Variants in RAB6A observed in about 807,000 individuals in gnomAD.
RAB6A encodes RAB6A, member RAS oncogene family.
RAB6A carries 8 observed loss-of-function variants against 32.3 expected under a neutral mutation model. That is an observed-to-expected ratio of 0.25 (90% CI 0.15 to 0.45). The LOEUF (loss-of-function observed/expected upper bound fraction) is 0.45, where lower values mean the gene tolerates loss of function less well. RAB6A is among the 20% of genes least tolerant of loss of function. The pLI is 1.00. For missense variants in RAB6A, 104 were observed against 249.4 expected, an observed-to-expected ratio of 0.42 and a Z score of 3.93; for synonymous variants, 73 against 82.1, an observed-to-expected ratio of 0.89 and a Z score of 0.60.
chr11:73,718,826 A>C (rs765709332), intron 3 of RAB6A, 108 bp from the exon 4 acceptor site: 26 of 1,591,086 alleles, frequency 1.6e-5, no homozygotes, highest in African/African-American at 8.1e-5. Context: ...AGAATCACGG[A>C]TGTAACTGGG....
rs79775489 is a variant in RAB6A, at chr11:73,714,229, T to TATACAC, written c.401+2021_401+2022insGTGTAT. Among the ~76,000 whole-genome samples, 14 of 117,512 alleles carry TATACAC rather than the reference T, an allele frequency of 1.2e-4. 1 individual carries two copies. In the South Asian group the frequency reaches 3.3e-3, roughly 28 times the overall value. 77.1% of individuals were successfully genotyped at this position (117,512 alleles called of 152,430 possible). The stretch of plus-strand genomic sequence containing the variant: ...AAAAAAATATATATATATATATATA[T>TATACAC]ACACACATATAATTTGACAAGTTTC... On this transcript the variant is annotated intron_variant, in intron 5 of 7. Transcript: ENST00000336083.
At chr11:73,731,731 T>TATATAC (rs1346850332) in intron 1 of RAB6A, among the ~76,000 whole-genome samples, 21 of 16,946 alleles carry the variant, frequency 1.2e-3, no homozygotes, top group African/African-American at 2.2e-3. Context: ...TATATATATA[T>TATATAC]ACACACACAC....
intron 2 of RAB6A, among the ~76,000 whole-genome samples, chr11:73,724,325 AACTG>A (rs1590865363): frequency 6.6e-6 from 1 of 152,300 alleles, no homozygotes; most frequent in Non-Finnish European, 1.5e-5. Context: ...CAACATCACA[AACTG>A]ACTAAAAGTA....
chr11:73,722,780 T>C (rs2134957478), intron 2 of RAB6A: 1 of 152,320 alleles, frequency 6.6e-6, no homozygotes, highest in Non-Finnish European at 1.5e-5. Flanking sequence ...CCCCATTTAG[T>C]TCTCATTTAT....
At chr11:73,714,398 A>G (rs996485959) in intron 5 of RAB6A, among the ~76,000 whole-genome samples, 2 of 151,934 alleles carry the variant, frequency 1.3e-5, no homozygotes, top group Non-Finnish European at 2.9e-5. Flanking sequence ...GCGGTGACTC[A>G]CGCCTGTAAT....
rs577203416 is a variant in RAB6A, at chr11:73,720,776, T to C, written c.183+70A>G. ...TAAGTACTTCTTATGGTGACAATCA[T>C]TGATAACTTTGATTGCAGTTTTCTA... On this transcript the variant is annotated intron_variant, in intron 3 of 7. Transcript: ENST00000336083. 43 of 1,167,594 alleles carry C rather than the reference T, an allele frequency of 3.7e-5. 1 individual carries two copies. The highest frequency in any genetic ancestry group is 2.1e-4 in the East Asian group (9 of 42,296). The allele number at this position is 1,167,594 out of a possible 1,614,324, so 72.3% of individuals were successfully genotyped here.
Position 73,677,122 on chromosome 11 carries a change from T to G in RAB6A, c.*776A>C, listed in dbSNP as rs1466083617. 3 of 167,072 alleles carry G rather than the reference T, an allele frequency of 1.8e-5. No homozygotes were observed. Among genetic ancestry groups the G allele is most frequent in the Admixed American group, 6.5e-5 (1 of 15,274 alleles). 10.3% of individuals were successfully genotyped at this position (167,072 alleles called of 1,614,324 possible). ...ACCTGTTCTGAAGCACTTGGTTAATTTTCTCTCCCAGAGTCTAATAAAGCA... is the reference window on the plus strand; with the variant it reads ...ACCTGTTCTGAAGCACTTGGTTAATGTTCTCTCCCAGAGTCTAATAAAGCA... On this transcript the variant is annotated 3_prime_UTR_variant, in exon 8 of 8. Transcript: ENST00000336083.
At position 73,695,536 on chromosome 11, in the gene RAB6A, T is replaced by C. The variant is rs183629374; in HGVS notation, c.495+11884A>G. On this transcript the variant is annotated intron_variant, in intron 6 of 7. Coordinates refer to ENST00000336083, the MANE Select transcript of RAB6A (RefSeq NM_198896.2). ...CTGGGATTACAGGCGCGTGACACCATGTCTGGCTAATTTTTTTGTATTTTT... is the reference window on the plus strand; with the variant it reads ...CTGGGATTACAGGCGCGTGACACCACGTCTGGCTAATTTTTTTGTATTTTT... Among the ~76,000 whole-genome samples, 16 of 152,164 alleles carry C rather than the reference T, an allele frequency of 1.1e-4. No homozygotes were observed. The East Asian group carries it at 3.1e-3, about 29-fold the overall frequency.
chr11:73,734,286 C>T (rs1291740339), intron 1 of RAB6A, among the ~76,000 whole-genome samples: 1 of 152,084 alleles, frequency 6.6e-6, no homozygotes, highest in Non-Finnish European at 1.5e-5. Context: ...CCACCACGCC[C>T]AGCTAGTTTT....
intron 5 of RAB6A, among the ~76,000 whole-genome samples, chr11:73,710,011 T>G (rs1382595831): frequency 1.4e-5 from 2 of 147,110 alleles, no homozygotes; most frequent in Non-Finnish European, 3.0e-5. Flanking sequence ...CAGACTGGAG[T>G]GAAGTGGCAC....
At chr11:73,733,222 C>T (rs1946344941) in intron 1 of RAB6A, among the ~76,000 whole-genome samples, 1 of 152,072 alleles carries the variant, frequency 6.6e-6, no homozygotes. Flanking sequence ...TTTCAAAAAT[C>T]ATCAAGCCAT....
At chr11:73,760,429 C>A in intron 1 of RAB6A, 137 bp downstream of exon 1, 4 of 1,169,088 alleles carry the variant, frequency 3.4e-6, no homozygotes, top group Non-Finnish European at 2.4e-6. Flanking sequence ...CACCGGGGGG[C>A]ACATCGGGAA....
At chr11:73,751,184 G>A (rs982823747) in intron 1 of RAB6A, among the ~76,000 whole-genome samples, 1 of 152,058 alleles carries the variant, frequency 6.6e-6, no homozygotes, top group African/African-American at 2.4e-5. Flanking sequence ...GGAGGCTGAG[G>A]CAGGAGGATC....
At position 73,736,376 on chromosome 11, in the gene RAB6A, C is replaced by T; in HGVS notation, c.71-5553G>A. On this transcript the variant is annotated intron_variant, in intron 1 of 7. Coordinates refer to ENST00000336083, the MANE Select transcript of RAB6A (RefSeq NM_198896.2). ...CCCGGGAGGCGGAGGTTGCAGTGAG[C>T]CGAGATTGTGCCACTGCACTCCAGC... Among the ~76,000 whole-genome samples the T allele has an allele frequency of 1.3e-5, 2 of 151,840 alleles. 1 individual carries two copies. Among genetic ancestry groups the T allele is most frequent in the Non-Finnish European group, 2.9e-5 (2 of 67,984 alleles).
intron 1 of RAB6A, among the ~76,000 whole-genome samples, chr11:73,737,332 A>G (rs1258127876): frequency 6.6e-6 from 1 of 152,062 alleles, no homozygotes; most frequent in Non-Finnish European, 1.5e-5. Flanking sequence ...AAAAAATTTA[A>G]AATTTACTAG....
chr11:73,728,533 A>G (rs1026945111), intron 2 of RAB6A, among the ~76,000 whole-genome samples: 19 of 150,820 alleles, frequency 1.3e-4, no homozygotes, highest in African/African-American at 4.4e-4. Context: ...AGCACTTTGG[A>G]AAGCCGAGGT....
chr11:73,730,916 G>A, intron 1 of RAB6A, 93 bp from the exon 2 acceptor site: 1 of 823,234 alleles, frequency 1.2e-6, no homozygotes, highest in South Asian at 1.6e-5. Context: ...TAAAGTCAAT[G>A]GGAAATACCT....
At chr11:73,751,765 A>G (rs1946672708) in intron 1 of RAB6A, among the ~76,000 whole-genome samples, 2 of 152,308 alleles carry the variant, frequency 1.3e-5, no homozygotes, top group South Asian at 4.1e-4. Context: ...CCCTCTCTCC[A>G]TTCACCTCCA....
rs2140892 is a variant in RAB6A, at chr11:73,711,834, A to T, written c.402-4321T>A. Among the ~76,000 whole-genome samples the T allele has an allele frequency of 7.9e-5, 12 of 152,082 alleles. 1 individual carries two copies. The highest frequency in any genetic ancestry group is 1.2e-4 in the Non-Finnish European group (8 of 68,026). ...CTGGCAGTCTGAATCTGAGGCAAAA[A>T]TATTTCTCAGTGCAGTTTCAATCAG... On this transcript the variant is annotated intron_variant, in intron 5 of 7. Transcript: ENST00000336083.
Sources: allele counts gnomAD v4.1 joint callset (sites outside exome capture counted in the v4.1 genomes callset), GRCh38; gene constraint gnomAD v4.1.1; transcripts MANE v1.5; gene names NCBI Gene and HGNC (gene_info 2026-07-23, HGNC 2026-07-21).